ARHGAP15: variants seen among roughly 807,000 people sequenced by gnomAD.
ARHGAP15 encodes rho GTPase-activating protein 15.
Under a neutral mutation model 63.7 loss-of-function variants are expected in ARHGAP15, and 51 were observed. The observed-to-expected ratio is 0.80, with a 90% CI of 0.64 to 1.01. The LOEUF (loss-of-function observed/expected upper bound fraction) is 1.01. Ranked by LOEUF, ARHGAP15 falls within the 50% of genes least tolerant of loss-of-function variation. ARHGAP15 has a pLI of 0.00. For synonymous variants in ARHGAP15, 191 were observed against 193.8 expected, an observed-to-expected ratio of 0.99 and a Z score of 0.12; for missense variants, 560 against 564.6, an observed-to-expected ratio of 0.99 and a Z score of 0.08.
chr2:143,399,942 C>T (rs1687924951), intron 6 of ARHGAP15, among the ~76,000 whole-genome samples: 2 of 152,030 alleles, frequency 1.3e-5, no homozygotes, highest in South Asian at 4.1e-4. Flanking sequence ...GATTAGTCAA[C>T]AAATATCTGT....
intron 13 of ARHGAP15, among the ~76,000 whole-genome samples, chr2:143,709,290 A>T (rs1684470644): frequency 6.6e-6 from 1 of 152,228 alleles, no homozygotes; most frequent in Non-Finnish European, 1.5e-5. Context: ...TTTTATGTAC[A>T]CATTATGCAT....
chr2:143,180,024 T>C (rs1691171672), intron 2 of ARHGAP15, among the ~76,000 whole-genome samples: 1 of 152,226 alleles, frequency 6.6e-6, no homozygotes, highest in Admixed American at 6.5e-5. Context: ...GGCTGCTGAC[T>C]GATCAGGGTG....
intron 1 of ARHGAP15, among the ~76,000 whole-genome samples, chr2:143,145,753 C>T (rs1378134965): frequency 2.6e-5 from 4 of 151,802 alleles, no homozygotes; most frequent in Non-Finnish European, 4.4e-5. Context: ...GGAGAGCTCT[C>T]CAGAAACTGG....
At chr2:143,409,503 T>C (rs1310029094) in intron 6 of ARHGAP15, among the ~76,000 whole-genome samples, 2 of 152,036 alleles carry the variant, frequency 1.3e-5, no homozygotes, top group Non-Finnish European at 2.9e-5. Context: ...CGTTACATGA[T>C]TTAAGATCAT....
At chr2:143,227,745 C>T (rs758526771) in intron 4 of ARHGAP15, among the ~76,000 whole-genome samples, 139 of 152,040 alleles carry the variant, frequency 9.1e-4, no homozygotes, top group Non-Finnish European at 1.6e-3. Flanking sequence ...TTTAACCTAT[C>T]TTTTTTATAT....
At chr2:143,573,746 G>A (rs1696555833) in intron 11 of ARHGAP15, among the ~76,000 whole-genome samples, 2 of 152,088 alleles carry the variant, frequency 1.3e-5, no homozygotes, top group African/African-American at 4.8e-5. Flanking sequence ...AATTTTATGG[G>A]ATCCAGTATA....
intron 6 of ARHGAP15, among the ~76,000 whole-genome samples, chr2:143,431,658 T>A (rs988590373): frequency 6.6e-6 from 1 of 152,020 alleles, no homozygotes; most frequent in African/African-American, 2.4e-5. Context: ...TATGAGCCAT[T>A]TTCTATTGTT....
chr2:143,472,690 T>C (rs1429575207), intron 8 of ARHGAP15, among the ~76,000 whole-genome samples: 1 of 151,638 alleles, frequency 6.6e-6, no homozygotes, highest in Non-Finnish European at 1.5e-5. Context: ...TAAATTATGA[T>C]GATGATGGGG....
intron 6 of ARHGAP15, among the ~76,000 whole-genome samples, chr2:143,328,994 T>A (rs1684383469): frequency 6.6e-6 from 1 of 152,214 alleles, no homozygotes; most frequent in South Asian, 2.1e-4. Context: ...TTAAGTTTTT[T>A]AAAAAGTGAC....
intron 8 of ARHGAP15, among the ~76,000 whole-genome samples, chr2:143,457,068 A>T (rs921832593): frequency 6.6e-6 from 1 of 152,144 alleles, no homozygotes; most frequent in Non-Finnish European, 1.5e-5. Context: ...ATTATTTCAC[A>T]AACTTATTCA....
chr2:143,558,228 G>GT (rs930106339), intron 11 of ARHGAP15, among the ~76,000 whole-genome samples: 2 of 152,046 alleles, frequency 1.3e-5, no homozygotes, highest in Non-Finnish European at 2.9e-5. Flanking sequence ...ATACTGTTGT[G>GT]TTTTTTAATG....
chr2:143,293,864 ATC>A (rs1316796698), intron 6 of ARHGAP15, among the ~76,000 whole-genome samples: 1 of 152,034 alleles, frequency 6.6e-6, no homozygotes, highest in Non-Finnish European at 1.5e-5. Flanking sequence ...CAAAGGTAAA[ATC>A]TCTACTTTTT....
chr2:143,387,123 A>G (rs1467751797), intron 6 of ARHGAP15, among the ~76,000 whole-genome samples: 1 of 152,188 alleles, frequency 6.6e-6, no homozygotes, highest in Non-Finnish European at 1.5e-5. Flanking sequence ...TTGTGTAACA[A>G]ACTTGCACAT....
intron 12 of ARHGAP15, among the ~76,000 whole-genome samples, chr2:143,681,152 C>T (rs1480244945): frequency 6.6e-6 from 1 of 152,160 alleles, no homozygotes; most frequent in East Asian, 1.9e-4. Context: ...CCCTTCCAAA[C>T]GCTACAAGCT....
At chr2:143,301,561 T>C (rs142604389) in intron 6 of ARHGAP15, among the ~76,000 whole-genome samples, 17 of 152,046 alleles carry the variant, frequency 1.1e-4, no homozygotes, top group African/African-American at 4.1e-4. Context: ...AATATCTTCA[T>C]AGAGTTTATG....
chr2:143,762,660 T>G (rs1686801509), intron 13 of ARHGAP15, among the ~76,000 whole-genome samples: 2 of 152,134 alleles, frequency 1.3e-5, no homozygotes, highest in African/African-American at 4.8e-5. Flanking sequence ...ATGTACAAGA[T>G]TCAAGTAATT....
At chr2:143,236,056 G>A (rs1693630670) in intron 5 of ARHGAP15, 2 of 1,469,662 alleles carry the variant, frequency 1.4e-6, no homozygotes, top group Admixed American at 2.5e-5. Context: ...TAGAGAAGAA[G>A]CTCTGCAATT....
rs140294180 is a variant in ARHGAP15, at chr2:143,244,890, T to A, written c.385-5621T>A. 3.7e-3 allele frequency among the ~76,000 whole-genome samples: 566 copies of A among 152,288 alleles called. 5 individuals are homozygous for A. The highest frequency in any genetic ancestry group is 0.013 in the African/African-American group (544 of 41,558). ...GGAGAAAAAGGAACTAATTCCAGAA[T>A]TCGAGACTTTGTGCCTTTTGATTAT... On this transcript the variant is annotated intron_variant, in intron 5 of 13. Coordinates refer to ENST00000295095, the MANE Select transcript of ARHGAP15 (RefSeq NM_018460.4).
chr2:143,431,968 T>C (rs1478922332), intron 6 of ARHGAP15, among the ~76,000 whole-genome samples: 2 of 152,000 alleles, frequency 1.3e-5, no homozygotes, highest in Non-Finnish European at 2.9e-5. Context: ...CTGAAGTCAG[T>C]TGGAAGCTGG....
Sources: allele counts gnomAD v4.1 joint callset (sites outside exome capture counted in the v4.1 genomes callset), GRCh38; gene constraint gnomAD v4.1.1; transcripts MANE v1.5; gene names NCBI Gene and HGNC (gene_info 2026-07-23, HGNC 2026-07-21).